The following ELMO1 variants were observed in gnomAD, a reference collection of about 807,000 sequenced individuals.
ELMO1 encodes the protein engulfment and cell motility protein 1.
ELMO1 carries 26 observed loss-of-function variants against 98.9 expected under a neutral mutation model. The observed-to-expected ratio is 0.26, with a 90% CI of 0.19 to 0.36. The LOEUF (loss-of-function observed/expected upper bound fraction) is 0.36. ELMO1 is among the 10% of genes least tolerant of loss of function. The pLI is 1.00. For missense variants in ELMO1, 627 were observed against 935.2 expected (o/e 0.67, Z 4.30); for synonymous variants, 346 against 346.0 (o/e 1.00, Z 0.00).
intron 14 of ELMO1, among the ~76,000 whole-genome samples, chr7:37,098,904 G>C (rs1784497112): frequency 6.6e-6 from 1 of 152,088 alleles, no homozygotes; most frequent in African/African-American, 2.4e-5. Flanking sequence ...AGTTTTCCTC[G>C]GCTCCCAGCT....
At chr7:36,914,349 T>C (rs1391407436) in intron 16 of ELMO1, among the ~76,000 whole-genome samples, 2 of 152,218 alleles carry the variant, frequency 1.3e-5, no homozygotes, top group Non-Finnish European at 2.9e-5. Flanking sequence ...CGTCCTTTGC[T>C]TTTTAAACTA....
intron 4 of ELMO1, among the ~76,000 whole-genome samples, chr7:37,298,287 GTTT>G (rs937078176): frequency 1.4e-4 from 14 of 101,436 alleles, no homozygotes; most frequent in Admixed American, 1.0e-3. Context: ...AGTTTTTTTT[GTTT>G]TTTTTTTTTA....
intron 4 of ELMO1, among the ~76,000 whole-genome samples, chr7:37,276,278 AAG>A (rs899745442): frequency 3.3e-5 from 5 of 152,148 alleles, no homozygotes; most frequent in African/African-American, 1.2e-4. Flanking sequence ...AAGAGAGAGA[AAG>A]AGAGAGAGAG....
chr7:36,909,348 T>G (rs572527799), intron 16 of ELMO1, among the ~76,000 whole-genome samples: 1 of 152,320 alleles, frequency 6.6e-6, no homozygotes, highest in African/African-American at 2.4e-5. Flanking sequence ...AGCATGGACA[T>G]CTGACAGGTG....
chr7:37,239,696 G>A (rs201083384), intron 7 of ELMO1, among the ~76,000 whole-genome samples: 1 of 148,760 alleles, frequency 6.7e-6, no homozygotes, highest in African/African-American at 2.5e-5. Flanking sequence ...CGAAGGGAAG[G>A]GGAAGAAGCA....
chr7:37,004,934 C>T (rs888996871), intron 16 of ELMO1, among the ~76,000 whole-genome samples: 1 of 151,516 alleles, frequency 6.6e-6, no homozygotes, highest in African/African-American at 2.4e-5. Context: ...CAAGGTGAAA[C>T]CTCGTCTCTA....
At chr7:37,007,560 G>A (rs187271382) in intron 16 of ELMO1, among the ~76,000 whole-genome samples, 9 of 152,260 alleles carry the variant, frequency 5.9e-5, no homozygotes, top group East Asian at 3.9e-4. Flanking sequence ...CCAACAGAGC[G>A]CCGTCTGCAC....
At chr7:37,198,992 G>T (rs1792127023) in intron 13 of ELMO1, among the ~76,000 whole-genome samples, 1 of 152,192 alleles carries the variant, frequency 6.6e-6, no homozygotes, top group Non-Finnish European at 1.5e-5. Context: ...CTTTATTGAA[G>T]TGCCATCAGC....
At chr7:37,432,495 C>T (rs1225302279) in intron 1 of ELMO1, among the ~76,000 whole-genome samples, 1 of 152,194 alleles carries the variant, frequency 6.6e-6, no homozygotes. Flanking sequence ...ATGGGCTCAG[C>T]TCTGCACTTG....
intron 2 of ELMO1, among the ~76,000 whole-genome samples, chr7:37,318,859 T>C (rs1004244540): frequency 1.3e-5 from 2 of 152,214 alleles, no homozygotes; most frequent in Non-Finnish European, 2.9e-5. Flanking sequence ...GTCTGCCTTA[T>C]TTGACACTGT....
chr7:37,393,132 T>G lies in ELMO1; in HGVS notation c.-73-50369A>C, dbSNP rs59051516. ...AAAGTCTAAGCTTGTTCATTAATTT[T>G]TATTCTTTCTTAAAAATTTTTATTT... is the stretch of plus-strand genomic sequence containing the variant. On this transcript the variant is annotated intron_variant, in intron 1 of 21. Coordinates refer to ENST00000310758, the MANE Select transcript of ELMO1 (RefSeq NM_014800.11). 6.1e-3 allele frequency among the ~76,000 whole-genome samples: 935 copies of G among 152,340 alleles called. 15 individuals carry two copies. Among genetic ancestry groups the G allele is most frequent in the African/African-American group, 0.021 (888 of 41,566 alleles).
At chr7:36,882,042 G>A (rs1432004664) in intron 18 of ELMO1, among the ~76,000 whole-genome samples, 1 of 152,186 alleles carries the variant, frequency 6.6e-6, no homozygotes, top group East Asian at 1.9e-4. Flanking sequence ...ACTGGTAGGT[G>A]TGAAATGCCA....
intron 16 of ELMO1, among the ~76,000 whole-genome samples, chr7:36,901,130 T>C (rs1456951638): frequency 6.6e-6 from 1 of 152,162 alleles, no homozygotes. Context: ...CCTACCTCCA[T>C]ATAGAGGTCT....
chr7:36,859,107 G>A (rs986727124), intron 21 of ELMO1, among the ~76,000 whole-genome samples: 2 of 152,132 alleles, frequency 1.3e-5, no homozygotes, highest in Non-Finnish European at 2.9e-5. Context: ...GAGACAGAGA[G>A]AGAGAAAGAG....
At chr7:37,232,955 C>T (rs1794260284) in intron 8 of ELMO1, 140 bp downstream of exon 8, 2 of 764,458 alleles carry the variant, frequency 2.6e-6, no homozygotes. Flanking sequence ...CCCCCACATA[C>T]ATAATATTAT....
At chr7:37,350,557 T>C (rs1801215170) in intron 1 of ELMO1, among the ~76,000 whole-genome samples, 1 of 152,236 alleles carries the variant, frequency 6.6e-6, no homozygotes, top group African/African-American at 2.4e-5. Context: ...TTATTTGCAG[T>C]AAATTAATGA....
intron 16 of ELMO1, among the ~76,000 whole-genome samples, chr7:36,937,376 T>C (rs1328211144): frequency 6.6e-6 from 1 of 152,152 alleles, no homozygotes; most frequent in Non-Finnish European, 1.5e-5. Flanking sequence ...ATGCCAAGGA[T>C]GGCCAGCAAT....
chr7:36,893,323 C>T (rs969164507), intron 17 of ELMO1, among the ~76,000 whole-genome samples: 12 of 152,310 alleles, frequency 7.9e-5, no homozygotes, highest in Admixed American at 3.3e-4. Context: ...GTCACTTATC[C>T]AAAGTGCATC....
At chr7:37,072,767 T>G (rs1797349984) in intron 15 of ELMO1, among the ~76,000 whole-genome samples, 1 of 152,138 alleles carries the variant, frequency 6.6e-6, no homozygotes, top group African/African-American at 2.4e-5. Flanking sequence ...TCATAAAACA[T>G]AAGGCGAGTA....
Sources: allele counts gnomAD v4.1 joint callset (sites outside exome capture counted in the v4.1 genomes callset), GRCh38; gene constraint gnomAD v4.1.1; transcripts MANE v1.5; gene names NCBI Gene and HGNC (gene_info 2026-07-23, HGNC 2026-07-21).